The following MYL11 variants were observed in gnomAD, a reference collection of about 807,000 sequenced individuals.
The protein encoded by MYL11 is myosin regulatory light chain 11.
the MYL11 span, chr16:30,377,876 C>T: frequency 1.2e-6 from 2 of 1,613,178 alleles, no homozygotes; most frequent in South Asian, 2.2e-5. Flanking sequence ...TCATCACGCA[C>T]GGCGACGCCA....
chr16:30,373,224 G>A, the MYL11 span, among the ~76,000 whole-genome samples: 3 of 152,068 alleles, frequency 2.0e-5, no homozygotes, highest in Non-Finnish European at 2.9e-5. Context: ...TTGGGAGGTC[G>A]AGACGGGTGG....
the MYL11 span, chr16:30,375,846 A>AGTAGAGGG: frequency 6.2e-7 from 1 of 1,614,124 alleles, no homozygotes; most frequent in Non-Finnish European, 8.5e-7. Flanking sequence ...AGAGAAGGAC[A>AGTAGAGGG]GTAGAGGGCG....
At chr16:30,377,542 G>A in the MYL11 span, 2 of 1,171,928 alleles carry the variant, frequency 1.7e-6, no homozygotes, top group African/African-American at 3.1e-5. Context: ...GAAGGAAGTA[G>A]AGTGACCTGG....
the MYL11 span, among the ~76,000 whole-genome samples, chr16:30,371,617 C>G: frequency 1.3e-5 from 2 of 152,144 alleles, no homozygotes; most frequent in African/African-American, 4.8e-5. Flanking sequence ...TTCCTCAGAC[C>G]TTATCCCTCT....
chr16:30,376,623 C>T, the MYL11 span: 1 of 1,614,118 alleles, frequency 6.2e-7, no homozygotes, highest in Non-Finnish European at 8.5e-7. Flanking sequence ...CCCACAGGTG[C>T]CGACCCTGAG....
chr16:30,377,042 G>A, the MYL11 span, among the ~76,000 whole-genome samples: 1 of 152,060 alleles, frequency 6.6e-6, no homozygotes, highest in South Asian at 2.1e-4. Context: ...GTGAAACCCC[G>A]TCTCTACTAA....
chr16:30,376,810 T>C, the MYL11 span: 1 of 1,074,828 alleles, frequency 9.3e-7, no homozygotes, highest in Non-Finnish European at 1.4e-6. Flanking sequence ...CTCAGGCCTA[T>C]AATCCCAGTG....
At chr16:30,375,811 AC>A in the MYL11 span, 2 of 1,612,790 alleles carry the variant, frequency 1.2e-6, no homozygotes. Context: ...TTCAACCCTC[AC>A]CCTCCAGGCA....
At chr16:30,375,006 T>C in the MYL11 span, 1 of 1,093,206 alleles carries the variant, frequency 9.1e-7, no homozygotes. Flanking sequence ...GAAAACAGAC[T>C]GTGTGATGGC....
the MYL11 span, among the ~76,000 whole-genome samples, chr16:30,377,006 A>G: frequency 6.6e-6 from 1 of 152,274 alleles, no homozygotes; most frequent in Admixed American, 6.5e-5. Flanking sequence ...TGAGGTCAGG[A>G]GTCCAAGAAC....
the MYL11 span, chr16:30,376,751 T>G: frequency 4.6e-6 from 7 of 1,522,404 alleles, no homozygotes; most frequent in Non-Finnish European, 6.3e-6. Context: ...CACCAGCTGC[T>G]CCCACACTGA....
At chr16:30,374,282 A>T in the MYL11 span, among the ~76,000 whole-genome samples, 1 of 150,792 alleles carries the variant, frequency 6.6e-6, no homozygotes, top group East Asian at 2.0e-4. Context: ...CACTACTGGC[A>T]CTCTAGCCTG....
the MYL11 span, among the ~76,000 whole-genome samples, chr16:30,375,464 C>CAA: frequency 8.7e-3 from 648 of 74,490 alleles, 8 homozygotes; most frequent in African/African-American, 0.025. Context: ...GACTCTGTCT[C>CAA]AAAAAAAAAA....
chr16:30,377,732 A>G, the MYL11 span: 1 of 1,566,758 alleles, frequency 6.4e-7, no homozygotes, highest in Non-Finnish European at 8.7e-7. Context: ...GGGCCGGAGC[A>G]GCAAAGGGGC....
At chr16:30,371,962 G>C in the MYL11 span, among the ~76,000 whole-genome samples, 1 of 152,130 alleles carries the variant, frequency 6.6e-6, no homozygotes, top group African/African-American at 2.4e-5. Context: ...TGGAATTCCA[G>C]TGAGACCTAG....
the MYL11 span, chr16:30,377,817 T>G: frequency 6.2e-7 from 1 of 1,613,938 alleles, no homozygotes; most frequent in Non-Finnish European, 8.5e-7. Context: ...GTGGGCGGCC[T>G]TCCCCCCCGA....
At chr16:30,372,538 C>T in the MYL11 span, among the ~76,000 whole-genome samples, 2 of 151,708 alleles carry the variant, frequency 1.3e-5, no homozygotes, top group Admixed American at 6.6e-5. Context: ...CACTGAGGCC[C>T]AGAGGGAGAA....
the MYL11 span, chr16:30,376,660 C>T: frequency 6.2e-7 from 1 of 1,614,140 alleles, no homozygotes; most frequent in Non-Finnish European, 8.5e-7. Context: ...CCTTCAAGGT[C>T]TTGGACCCTG....
At chr16:30,374,623 C>T in the MYL11 span, among the ~76,000 whole-genome samples, 6 of 152,236 alleles carry the variant, frequency 3.9e-5, no homozygotes, top group Non-Finnish European at 8.8e-5. Context: ...CATCGCAAGA[C>T]ATGCTCCCCC....
Sources: allele counts gnomAD v4.1 joint callset (sites outside exome capture counted in the v4.1 genomes callset), GRCh38; gene constraint gnomAD v4.1.1; transcripts MANE v1.5; gene names NCBI Gene and HGNC (gene_info 2026-07-23, HGNC 2026-07-21).